WDR5: variants seen among roughly 807,000 people sequenced by gnomAD.
WDR5 encodes WD repeat-containing protein 5.
For missense variants in WDR5, 187 were observed against 416.9 expected, an observed-to-expected ratio of 0.45 and a Z score of 4.80; for synonymous variants, 144 against 161.6, an observed-to-expected ratio of 0.89 and a Z score of 0.83.
chr9:134,156,751 C>A (rs1474511826), intron 13 of WDR5, among the ~76,000 whole-genome samples, 158 bp downstream of exon 13: 1 of 152,218 alleles, frequency 6.6e-6, no homozygotes, highest in Non-Finnish European at 1.5e-5. Context: ...AGCTCTTGCC[C>A]AAGGCATGGA....
intron 9 of WDR5, among the ~76,000 whole-genome samples, chr9:134,154,223 T>C (rs1434230100): frequency 6.6e-6 from 1 of 151,628 alleles, no homozygotes; most frequent in Non-Finnish European, 1.5e-5. Context: ...AGGCCTGTAT[T>C]CGTAAAGTCC....
intron 7 of WDR5, among the ~76,000 whole-genome samples, chr9:134,147,502 G>C (rs1832265781): frequency 6.6e-6 from 1 of 152,176 alleles, no homozygotes; most frequent in Admixed American, 6.5e-5. Context: ...CCACTGCACA[G>C]GGGCAGTACC....
chr9:134,148,189 T>G, intron 7 of WDR5, 99 bp from the exon 8 acceptor site: 1 of 68,850 alleles, frequency 1.5e-5, no homozygotes, highest in Non-Finnish European at 2.6e-5. Flanking sequence ...ACTCAGTCTT[T>G]TTTTTTTTTT....
chr9:134,158,139 C>T lies in WDR5; in HGVS notation c.*146C>T. Reference sequence around the variant, plus strand: ...AGCCTCCTCTCTGAAGATGATTTGGCCGAGCGGAAGGTGTGGACCACCGGA... The same window carrying T: ...AGCCTCCTCTCTGAAGATGATTTGGTCGAGCGGAAGGTGTGGACCACCGGA... On this transcript the variant is annotated 3_prime_UTR_variant, in exon 14 of 14. Transcript: ENST00000358625. 2 of 695,228 alleles carry T rather than the reference C, an allele frequency of 2.9e-6. No individual in the cohort carries two copies. The highest frequency in any genetic ancestry group is 2.4e-6 in the Non-Finnish European group (1 of 413,338). 43.1% of individuals were successfully genotyped at this position (695,228 alleles called of 1,614,324 possible). A position where few individuals can be genotyped will look rare whatever the true frequency, so the allele number is the denominator to read the frequency against.
At chr9:134,156,135 C>T (rs1832731451) in intron 12 of WDR5, among the ~76,000 whole-genome samples, 1 of 152,232 alleles carries the variant, frequency 6.6e-6, no homozygotes, top group Non-Finnish European at 1.5e-5. Flanking sequence ...GTTTTCCCGC[C>T]CACCCACACT....
intron 3 of WDR5, among the ~76,000 whole-genome samples, 159 bp from the exon 4 acceptor site, chr9:134,141,351 C>T (rs575711695): frequency 1.3e-5 from 2 of 152,234 alleles, no homozygotes; most frequent in African/African-American, 4.8e-5. Flanking sequence ...GGGAAGGGGA[C>T]TGGTCCTCTC....
At chr9:134,148,186 C>CTTTT (rs34443303) in intron 7 of WDR5, 102 bp from the exon 8 acceptor site, 22 of 285,758 alleles carry the variant, frequency 7.7e-5, no homozygotes, top group African/African-American at 3.1e-4. Context: ...ATAACTCAGT[C>CTTTT]TTTTTTTTTT....
At chr9:134,156,693 C>T in intron 13 of WDR5, 100 bp downstream of exon 13, 1 of 1,178,246 alleles carries the variant, frequency 8.5e-7, no homozygotes, top group South Asian at 1.3e-5. Context: ...TCGTCTTCCC[C>T]TTCCCACCTC....
chr9:134,139,772 A>G, intron 1 of WDR5, 48 bp from the exon 2 acceptor site: 1 of 1,216,642 alleles, frequency 8.2e-7, no homozygotes, highest in Non-Finnish European at 1.2e-6. Context: ...TCAATTTTTT[A>G]AAATATAGTT....
chr9:134,149,893 C>T (rs1832408525), intron 8 of WDR5, among the ~76,000 whole-genome samples: 1 of 152,182 alleles, frequency 6.6e-6, no homozygotes, highest in South Asian at 2.1e-4. Context: ...GCGAGCTCGG[C>T]CACAGCTCCT....
intron 7 of WDR5, among the ~76,000 whole-genome samples, chr9:134,145,058 T>TAGCTGTCTCCACTCCACAGCTGCTGCTCC (rs1832101045): frequency 6.6e-6 from 1 of 150,402 alleles, no homozygotes; most frequent in Non-Finnish European, 1.5e-5. Flanking sequence ...GCTGCTGCTC[T>TAGCTGTCTCCACTCCACAGCTGCTGCTCC]GTAGCTGTCT....
At chr9:134,145,092 C>CTTTGTTT (rs771143644) in intron 7 of WDR5, among the ~76,000 whole-genome samples, 2 of 56,898 alleles carry the variant, frequency 3.5e-5, no homozygotes, top group Admixed American at 2.5e-4. Context: ...GTTTGTGGGG[C>CTTTGTTT]TTTGTTTTTT....
At chr9:134,152,257 C>T (rs1179274968) in intron 9 of WDR5, among the ~76,000 whole-genome samples, 1 of 152,256 alleles carries the variant, frequency 6.6e-6, no homozygotes, top group South Asian at 2.1e-4. Flanking sequence ...CTTGGGCCAG[C>T]CTGGGGCTCC....
At chr9:134,143,047 AG>A (rs1236868204) in intron 7 of WDR5, among the ~76,000 whole-genome samples, 1 of 134,990 alleles carries the variant, frequency 7.4e-6, no homozygotes, top group Non-Finnish European at 1.5e-5. Flanking sequence ...CGGGACAGGA[AG>A]GGCGGCCAGG....
At chr9:134,145,495 T>A (rs1029018781) in intron 7 of WDR5, among the ~76,000 whole-genome samples, 1 of 152,112 alleles carries the variant, frequency 6.6e-6, no homozygotes. Flanking sequence ...TCTCAGTGAG[T>A]GCTTATGTGT....
Position 134,139,853 on chromosome 9 carries a change from C to G in WDR5, c.-25C>G. 1.2e-6 allele frequency: 2 copies of G among 1,613,408 alleles called. No individual in the cohort carries two copies. The highest frequency in any genetic ancestry group is 1.7e-6 in the Non-Finnish European group (2 of 1,179,874). On this transcript the variant is annotated 5_prime_UTR_variant, in exon 2 of 14. Coordinates refer to ENST00000358625, the MANE Select transcript of WDR5 (RefSeq NM_017588.3). ...TGTCACCGGGTCCCTCCACCCTTGT[C>G]TCCTGTGCGGCCAGCGTCAGAGCCA... is the stretch of plus-strand genomic sequence containing the variant.
At chr9:134,138,022 G>T (rs1246432442) in intron 1 of WDR5, among the ~76,000 whole-genome samples, 2 of 152,200 alleles carry the variant, frequency 1.3e-5, no homozygotes, top group African/African-American at 4.8e-5. Flanking sequence ...GATTACAGGC[G>T]TCAGCCACTG....
At chr9:134,155,415 TG>T in intron 11 of WDR5, 42 bp downstream of exon 11, 1 of 1,574,286 alleles carries the variant, frequency 6.4e-7, no homozygotes, top group South Asian at 1.2e-5. Context: ...GCACCATCCC[TG>T]GGTCATGGCC....
intron 1 of WDR5, among the ~76,000 whole-genome samples, chr9:134,138,762 C>T (rs900050230): frequency 1.3e-5 from 2 of 152,096 alleles, no homozygotes; most frequent in Non-Finnish European, 2.9e-5. Context: ...TTCCATTTCG[C>T]GTTAGTGTTA....
Sources: gnomAD v4.1 joint callset for allele counts (sites outside exome capture counted in the v4.1 genomes callset) on GRCh38, gnomAD v4.1.1 for gene constraint, MANE v1.5 for transcripts, NCBI Gene and HGNC (gene_info 2026-07-23, HGNC 2026-07-21) for gene names.